The following HECW1 variants were observed in gnomAD, a reference collection of about 807,000 sequenced individuals.
HECW1 encodes the protein HECT, C2 and WW domain containing E3 ubiquitin protein ligase 1.
A neutral mutation model predicts 182.3 loss-of-function variants in HECW1; 61 were observed. The ratio of observed to expected loss-of-function variants is 0.33; its 90% CI spans 0.27 to 0.41. The LOEUF is 0.41. HECW1 is among the 10% of genes least tolerant of loss of function. HECW1 has a pLI of 1.00. For synonymous variants in HECW1, 859 were observed against 832.6 expected (o/e 1.03, Z -0.55); for missense variants, 1,739 against 2,108.9 (o/e 0.82, Z 3.44).
At chr7:43,530,928 T>C (rs1205385390) in intron 24 of HECW1, among the ~76,000 whole-genome samples, 1 of 152,214 alleles carries the variant, frequency 6.6e-6, no homozygotes, top group Non-Finnish European at 1.5e-5. Context: ...AGCATGTCAC[T>C]CCCCTGTTTA....
In HECW1 at chr7:43,501,206, T is replaced by C; in HGVS notation, c.3522-7T>C. The C allele has an allele frequency of 1.1e-6, 1 of 899,272 alleles. No homozygotes were observed. The highest frequency in any genetic ancestry group is 1.5e-5 in the South Asian group (1 of 68,726). 55.7% of individuals were successfully genotyped at this position (899,272 alleles called of 1,614,324 possible). A position where few individuals can be genotyped will look rare whatever the true frequency, so the allele number is the denominator to read the frequency against. ...TTCTTTTTTTTTTTTTTTTTTTTCATATGCAGTCTCTTTGAAGAAGAGATT... is the reference window on the plus strand; with the variant it reads ...TTCTTTTTTTTTTTTTTTTTTTTCACATGCAGTCTCTTTGAAGAAGAGATT... On this transcript the variant is annotated splice_region_variant and splice_polypyrimidine_tract_variant and intron_variant, in intron 20 of 29. Transcript: ENST00000395891.
At chr7:43,127,997 G>T (rs892981056) in intron 2 of HECW1, among the ~76,000 whole-genome samples, 5 of 151,840 alleles carry the variant, frequency 3.3e-5, no homozygotes, top group African/African-American at 1.2e-4. Flanking sequence ...TCCTGCTTCA[G>T]CTTCCTGAGT....
At position 43,362,927 on chromosome 7, in the gene HECW1, G is replaced by A. The variant is rs146400863; in HGVS notation, c.555+1947G>A. 1.6e-3 allele frequency among the ~76,000 whole-genome samples: 240 copies of A among 152,340 alleles called. 2 individuals carry two copies. The highest frequency in any genetic ancestry group is 3.8e-3 in the Admixed American group (58 of 15,298). ...TGGCCTGTTGGCTCAAGGCTCGTAG[G>A]GGAGAGGAGTTCCTCACCTTCTTCT... On this transcript the variant is annotated intron_variant, in intron 6 of 29. Coordinates refer to ENST00000395891, the MANE Select transcript of HECW1 (RefSeq NM_015052.5).
intron 3 of HECW1, among the ~76,000 whole-genome samples, chr7:43,250,118 A>AACAC (rs10648012): frequency 3.7e-3 from 554 of 151,164 alleles, no homozygotes; most frequent in African/African-American, 0.013. Context: ...TTTTAACCAA[A>AACAC]ACACACACAC....
intron 12 of HECW1, among the ~76,000 whole-genome samples, chr7:43,453,247 C>A (rs184483938): frequency 2.3e-4 from 35 of 152,236 alleles, no homozygotes; most frequent in Admixed American, 1.8e-3. Context: ...AGGTGACAAA[C>A]AATAGTAGCT....
intron 3 of HECW1, among the ~76,000 whole-genome samples, chr7:43,301,340 T>C (rs1249284841): frequency 2.0e-5 from 3 of 152,170 alleles, no homozygotes; most frequent in African/African-American, 7.2e-5. Context: ...AGCTTCCATG[T>C]CCTCCCATCT....
At chr7:43,164,907 C>T (rs577380504) in intron 2 of HECW1, among the ~76,000 whole-genome samples, 1 of 152,304 alleles carries the variant, frequency 6.6e-6, no homozygotes, top group Non-Finnish European at 1.5e-5. Context: ...CATTCATCAG[C>T]GAGTGTCTTA....
intron 3 of HECW1, among the ~76,000 whole-genome samples, chr7:43,289,338 C>A (rs1453620691): frequency 1.3e-5 from 2 of 152,184 alleles, no homozygotes; most frequent in Non-Finnish European, 2.9e-5. Context: ...ATCTCCTGAC[C>A]TCGTGATCTG....
At chr7:43,506,221 A>G (rs1318270472) in intron 21 of HECW1, among the ~76,000 whole-genome samples, 1 of 152,214 alleles carries the variant, frequency 6.6e-6, no homozygotes, top group Non-Finnish European at 1.5e-5. Context: ...TTATTTGAGC[A>G]TCAATATCAA....
chr7:43,133,615 CTCTT>C (rs555989160), intron 2 of HECW1, among the ~76,000 whole-genome samples: 451 of 151,778 alleles, frequency 3.0e-3, no homozygotes, highest in Non-Finnish European at 4.8e-3. Context: ...TTATATTTCT[CTCTT>C]TCTTTCTCTG....
At chr7:43,197,567 A>G (rs1794586192) in intron 2 of HECW1, among the ~76,000 whole-genome samples, 2 of 152,144 alleles carry the variant, frequency 1.3e-5, no homozygotes, top group Admixed American at 6.5e-5. Context: ...CAGCTCCCCC[A>G]GCCCTGAGCG....
chr7:43,347,035 G>C (rs758417080), intron 5 of HECW1, among the ~76,000 whole-genome samples: 1 of 152,078 alleles, frequency 6.6e-6, no homozygotes, highest in African/African-American at 2.4e-5. Flanking sequence ...GAAGAATGAT[G>C]GTGGTATTCT....
intron 6 of HECW1, among the ~76,000 whole-genome samples, chr7:43,378,980 TTGC>T (rs2074438356): frequency 6.6e-6 from 1 of 152,152 alleles, no homozygotes; most frequent in Non-Finnish European, 1.5e-5. Context: ...GGGGTGGTTA[TTGC>T]TTATGGGGGG....
chr7:43,451,240 A>G (rs2077225880), intron 12 of HECW1, among the ~76,000 whole-genome samples: 1 of 152,204 alleles, frequency 6.6e-6, no homozygotes, highest in Non-Finnish European at 1.5e-5. Context: ...ATGACCTTTA[A>G]GTCCCAAATT....
intron 8 of HECW1, among the ~76,000 whole-genome samples, chr7:43,408,390 G>C (rs2075682405): frequency 6.6e-6 from 1 of 152,020 alleles, no homozygotes; most frequent in Non-Finnish European, 1.5e-5. Flanking sequence ...CTCTCCTAAA[G>C]GACATGTAGA....
intron 19 of HECW1, among the ~76,000 whole-genome samples, chr7:43,499,590 CAT>C (rs2079257623): frequency 6.6e-6 from 1 of 151,912 alleles, no homozygotes; most frequent in Non-Finnish European, 1.5e-5. Context: ...TATAATTACA[CAT>C]GACTCTAAAA....
At position 43,225,344 on chromosome 7, in the gene HECW1, G is replaced by A. The variant is rs374741243; in HGVS notation, c.-31-18531G>A. ...CTCTTCCCTTCCCTTTGGTGAGCAC[G>A]AAGGCCCCACCTAGCAAAGTGGAGG... On this transcript the variant is annotated intron_variant, in intron 2 of 29. Coordinates refer to ENST00000395891, the MANE Select transcript of HECW1 (RefSeq NM_015052.5). Among the ~76,000 whole-genome samples the A allele has an allele frequency of 6.2e-4, 94 of 152,282 alleles. 1 individual carries two copies. The highest frequency in any genetic ancestry group is 2.2e-3 in the African/African-American group (90 of 41,544).
intron 5 of HECW1, among the ~76,000 whole-genome samples, chr7:43,353,564 C>A (rs1037836940): frequency 4.6e-5 from 7 of 152,052 alleles, no homozygotes; most frequent in African/African-American, 1.7e-4. Context: ...GCTCTCAGGG[C>A]CACAAAGCAG....
At chr7:43,530,907 A>G (rs1419941313) in intron 24 of HECW1, among the ~76,000 whole-genome samples, 4 of 152,214 alleles carry the variant, frequency 2.6e-5, no homozygotes, top group Admixed American at 6.5e-5. Context: ...TTCTCTAAAA[A>G]TGCCAAAACA....
Sources: gnomAD v4.1 joint callset for allele counts (sites outside exome capture counted in the v4.1 genomes callset) on GRCh38, gnomAD v4.1.1 for gene constraint, MANE v1.5 for transcripts, NCBI Gene and HGNC (gene_info 2026-07-23, HGNC 2026-07-21) for gene names.